PRKCH: variants seen among roughly 807,000 people sequenced by gnomAD.
PRKCH encodes protein kinase C eta.
Under a neutral mutation model 82.5 loss-of-function variants are expected in PRKCH, and 28 were observed. The ratio of observed to expected loss-of-function variants is 0.34; its 90% confidence interval spans 0.25 to 0.47. The LOEUF is 0.47. Among genes scored for constraint, PRKCH ranks in the 20% least tolerant of loss-of-function variants. The pLI is 1.00. For missense variants in PRKCH, 705 were observed against 881.8 expected (o/e 0.80, Z 2.54); for synonymous variants, 322 against 327.4 (o/e 0.98, Z 0.18).
chr14:61,474,660 C>T (rs1429842816), intron 9 of PRKCH, among the ~76,000 whole-genome samples: 3 of 152,122 alleles, frequency 2.0e-5, no homozygotes, highest in Non-Finnish European at 4.4e-5. Context: ...ACCTATGTAA[C>T]AAACCTGCAC....
intron 1 of PRKCH, among the ~76,000 whole-genome samples, chr14:61,387,882 T>C (rs750339664): frequency 1.1e-4 from 17 of 152,218 alleles, no homozygotes; most frequent in Non-Finnish European, 2.1e-4. Flanking sequence ...GTGTGGTGGC[T>C]CATGCCTGTA....
At chr14:61,258,342 G>C (rs557173897) in intron 1 of PRKCH, among the ~76,000 whole-genome samples, 1 of 152,240 alleles carries the variant, frequency 6.6e-6, no homozygotes, top group East Asian at 1.9e-4. Flanking sequence ...ATGAAATAAT[G>C]TTATTTTAAT....
At chr14:61,386,662 G>C (rs2046592796) in intron 1 of PRKCH, among the ~76,000 whole-genome samples, 1 of 152,192 alleles carries the variant, frequency 6.6e-6, no homozygotes, top group Non-Finnish European at 1.5e-5. Context: ...AGATGCGGCA[G>C]AGAGATCAAC....
rs555304496 is a variant in PRKCH, at chr14:61,241,072, G to C, written c.-19+53404G>C. Among the ~76,000 whole-genome samples, 5 of 152,318 alleles carry C rather than the reference G, an allele frequency of 3.3e-5. No individual in the cohort carries two copies. The South Asian group carries it at 1.0e-3, about 32-fold the overall frequency. On this transcript the variant is annotated intron_variant, in intron 1 of 3. Transcript: ENST00000555185. Reference sequence around the variant, plus strand: ...GCCAGTTGCAAGTCTGGGTCTCTGGGATAAGTCAGGATTCCCACAACGCCC... The same window carrying C: ...GCCAGTTGCAAGTCTGGGTCTCTGGCATAAGTCAGGATTCCCACAACGCCC...
chr14:61,461,028 G>T (rs939463256), intron 9 of PRKCH, among the ~76,000 whole-genome samples: 4 of 150,658 alleles, frequency 2.7e-5, no homozygotes, highest in Non-Finnish European at 5.9e-5. Flanking sequence ...GTTATCAAGA[G>T]AAAAAAAAAT....
rs201596553 is a variant in PRKCH at position 61,280,408 on chromosome 14, T to G, written c.-19+92740T>G. 67 of 1,613,870 alleles carry G rather than the reference T, an allele frequency of 4.2e-5. No individual in the cohort carries two copies. Among genetic ancestry groups the G allele is most frequent in the Non-Finnish European group, 5.7e-5 (67 of 1,179,892 alleles). On this transcript the variant is annotated intron_variant, in intron 1 of 3. Coordinates refer to the PRKCH transcript ENST00000555185. The surrounding 1 kb of genome is among the most constrained non-coding windows in gnomAD (Gnocchi z 5.0). ...GCGCATCCACACCACGAAGTCCTGA[T>G]TGATGAAGCCGGTGTTGTTGGGGTC... is the stretch of plus-strand genomic sequence containing the variant.
chr14:61,197,097 C>A (rs1339738523), intron 1 of PRKCH, among the ~76,000 whole-genome samples: 1 of 152,184 alleles, frequency 6.6e-6, no homozygotes, highest in East Asian at 1.9e-4. Context: ...TTTCTGTTCT[C>A]CTTTCGTAGC....
intron 2 of PRKCH, among the ~76,000 whole-genome samples, chr14:61,412,310 C>T (rs1430900966): frequency 6.6e-6 from 1 of 152,128 alleles, no homozygotes; most frequent in African/African-American, 2.4e-5. Context: ...CAGAAACATA[C>T]TTGTCTTTAA....
chr14:61,530,493 T>A lies in PRKCH; in HGVS notation c.1659T>A (p.Pro553=). ...LLYEMLCGHA[P]FEAENEDDLF... ...ATGAGATGCTCTGTGGTCACGCGCC[T>A]TTTGAGGCAGAGAACGAAGATGACC... Residue 553 remains proline, a synonymous_variant, in exon 12 of 14, where the codon CCT becomes CCA. Transcript: ENST00000332981. 6.2e-7 allele frequency: 1 copy of A among 1,612,398 alleles called. No individual in the cohort carries two copies. Among genetic ancestry groups the A allele is most frequent in the Non-Finnish European group, 8.5e-7 (1 of 1,179,206 alleles).
At chr14:61,536,437 C>G (rs1443119759) in intron 12 of PRKCH, among the ~76,000 whole-genome samples, 3 of 152,250 alleles carry the variant, frequency 2.0e-5, no homozygotes, top group South Asian at 4.2e-4. Flanking sequence ...GCCCTTTCCC[C>G]CTGAGAGGCA....
chr14:61,410,877 C>T lies in PRKCH; in HGVS notation c.427+19589C>T, dbSNP rs374505081. 7.2e-5 allele frequency among the ~76,000 whole-genome samples: 11 copies of T among 152,298 alleles called. No individual in the cohort carries two copies. In the East Asian group the frequency reaches 1.3e-3, roughly 19 times the overall value. On this transcript the variant is annotated intron_variant, in intron 2 of 13. Coordinates refer to ENST00000332981, the MANE Select transcript of PRKCH (RefSeq NM_006255.5). ...CCAGTGTGCCTGGCTAATTCCAAAC[C>T]GTGCGAATGGCTGTGTTGCCTGGGC...
intron 3 of PRKCH, among the ~76,000 whole-genome samples, chr14:61,445,440 C>A (rs1884175118): frequency 6.6e-6 from 1 of 152,174 alleles, no homozygotes; most frequent in Non-Finnish European, 1.5e-5. Flanking sequence ...AGGAAATTGC[C>A]ATGGAGGTAG....
chr14:61,511,919 G>A (rs1172065673), intron 10 of PRKCH, among the ~76,000 whole-genome samples: 1 of 152,156 alleles, frequency 6.6e-6, no homozygotes, highest in Non-Finnish European at 1.5e-5. Flanking sequence ...GAGTGTAACT[G>A]CAGTTTTTAT....
intron 12 of PRKCH, among the ~76,000 whole-genome samples, chr14:61,533,805 T>G (rs935820328): frequency 6.6e-6 from 1 of 152,242 alleles, no homozygotes; most frequent in Non-Finnish European, 1.5e-5. Flanking sequence ...CTATTACTGC[T>G]GAGAGCTGCA....
upstream of PRKCH, among the ~76,000 whole-genome samples, chr14:61,317,889 G>A (rs1391064254): frequency 6.6e-6 from 1 of 151,952 alleles, no homozygotes; most frequent in African/African-American, 2.4e-5. Flanking sequence ...TATACCAATG[G>A]CTCCCAAATT....
chr14:61,368,005 C>T (rs752618814), intron 1 of PRKCH, among the ~76,000 whole-genome samples: 4 of 152,016 alleles, frequency 2.6e-5, no homozygotes, highest in Non-Finnish European at 2.9e-5. Flanking sequence ...TGAGCCACCG[C>T]GCCCAGCCTG....
At chr14:61,233,120 A>G (rs2044757945) in intron 1 of PRKCH, among the ~76,000 whole-genome samples, 1 of 152,238 alleles carries the variant, frequency 6.6e-6, no homozygotes, top group Non-Finnish European at 1.5e-5. Context: ...TGGTATGAAT[A>G]TGTCTCCCAG....
In PRKCH at chr14:61,188,611, G is replaced by GGT. The variant is rs1170634010; in HGVS notation, c.-19+986_-19+987dup. Among the ~76,000 whole-genome samples, 268 of 50,860 alleles carry GGT rather than the reference G, an allele frequency of 5.3e-3. 11 individuals carry two copies. Among genetic ancestry groups the GGT allele is most frequent in the African/African-American group, 0.016 (229 of 14,174 alleles). 33.4% of individuals were successfully genotyped at this position (50,860 alleles called of 152,430 possible). A position where few individuals can be genotyped will look rare whatever the true frequency, so the allele number is the denominator to read the frequency against. ...TGTCGGGGGGGTGGGGGGGTGGTGT[G>GGT]GTGTGTGTGTGTGTGTGTGTGTGTG... On this transcript the variant is annotated intron_variant, in intron 1 of 3. Transcript: ENST00000555185.
chr14:61,367,800 C>T (rs994017267), intron 1 of PRKCH, among the ~76,000 whole-genome samples: 27 of 151,260 alleles, frequency 1.8e-4, no homozygotes, highest in African/African-American at 4.6e-4. Context: ...CTGCAAGCTC[C>T]GCCTCCCAGG....
Sources: gnomAD v4.1 joint callset for allele counts (sites outside exome capture counted in the v4.1 genomes callset) on GRCh38, gnomAD v4.1.1 for gene constraint, Gnocchi (gnomAD v3.1) non-coding constraint, MANE v1.5 for transcripts, NCBI Gene and HGNC (gene_info 2026-07-23, HGNC 2026-07-21) for gene names.